The following DOCK8 variants were observed in gnomAD, a reference collection of about 807,000 sequenced individuals.
The protein encoded by DOCK8 is dedicator of cytokinesis 8, also known as dedicator of cytokinesis protein 8.
A neutral mutation model predicts 245.6 loss-of-function variants in DOCK8; 141 were observed. That is an observed-to-expected ratio of 0.57 (90% CI 0.50 to 0.66). The LOEUF (loss-of-function observed/expected upper bound fraction) is 0.66. Among genes scored for constraint, DOCK8 ranks in the 30% least tolerant of loss-of-function variants. DOCK8 has a pLI of 0.00. For missense variants in DOCK8, 2,965 were observed against 2,603.4 expected (o/e 1.14, Z -3.02); for synonymous variants, 1,168 against 970.2 (o/e 1.20, Z -3.79).
At chr9:324,688 A>C (rs755447007) in intron 7 of DOCK8, among the ~76,000 whole-genome samples, 50 of 152,182 alleles carry the variant, frequency 3.3e-4, no homozygotes, top group Non-Finnish European at 1.5e-4. Context: ...AGGAAGGGCC[A>C]GACATTCATC....
intron 4 of DOCK8, among the ~76,000 whole-genome samples, chr9:303,497 G>T (rs994691751): frequency 4.6e-5 from 7 of 152,110 alleles, no homozygotes; most frequent in African/African-American, 1.7e-4. Flanking sequence ...GCAGCAACAT[G>T]GATGCAGCTG....
intron 1 of DOCK8, among the ~76,000 whole-genome samples, chr9:249,040 A>G (rs1283404613): frequency 1.3e-5 from 2 of 152,146 alleles, no homozygotes; most frequent in Admixed American, 6.5e-5. Flanking sequence ...GTTGAACCCA[A>G]TATCCTATCT....
At position 450,961 on chromosome 9, in the gene DOCK8, A is replaced by G. The variant is rs939203144; in HGVS notation, c.5961+1034A>G. 3.9e-5 allele frequency among the ~76,000 whole-genome samples: 6 copies of G among 151,916 alleles called. 1 individual carries two copies. The highest frequency in any genetic ancestry group is 1.5e-4 in the African/African-American group (6 of 41,312). ...ACTCAAAGCACATACCATTTGATGT[A>G]GTTGTATTACACTTATATATGAATG... On this transcript the variant is annotated intron_variant, in intron 45 of 47. Coordinates refer to ENST00000432829, the MANE Select transcript of DOCK8 (RefSeq NM_203447.4).
intron 3 of DOCK8, among the ~76,000 whole-genome samples, chr9:288,008 T>TTACAA (rs1224106661): frequency 6.6e-6 from 1 of 151,414 alleles, no homozygotes; most frequent in African/African-American, 2.4e-5. Context: ...ACCCTGTTTC[T>TTACAA]TACAAAACAA....
chr9:240,244 C>G (rs2047346934), intron 1 of DOCK8, among the ~76,000 whole-genome samples: 1 of 152,140 alleles, frequency 6.6e-6, no homozygotes, highest in South Asian at 2.1e-4. Context: ...CAAGGTCAAT[C>G]TTTTATACAG....
At chr9:455,750 C>T (rs147103398) in intron 46 of DOCK8, among the ~76,000 whole-genome samples, 6 of 151,644 alleles carry the variant, frequency 4.0e-5, no homozygotes, top group South Asian at 2.1e-4. Flanking sequence ...CCACTTTTGC[C>T]GTCTGCTTCC....
intron 4 of DOCK8, among the ~76,000 whole-genome samples, chr9:292,954 TG>T (rs1381364409): frequency 2.0e-5 from 3 of 152,178 alleles, no homozygotes; most frequent in Non-Finnish European, 2.9e-5. Context: ...ACAGAAGCAA[TG>T]GTTACCCATA....
intron 1 of DOCK8, among the ~76,000 whole-genome samples, chr9:227,782 A>G (rs191004602): frequency 1.4e-4 from 21 of 152,222 alleles, no homozygotes; most frequent in Non-Finnish European, 2.5e-4. Flanking sequence ...TTCTGAATGG[A>G]AAGTATAAGG....
rs538147823 is a variant in DOCK8 at position 219,393 on chromosome 9, C to T, written c.53+4364C>T. On this transcript the variant is annotated intron_variant, in intron 1 of 47. Coordinates refer to ENST00000432829, the MANE Select transcript of DOCK8 (RefSeq NM_203447.4). ...GGCTGAGGTGGGATAATTGCTTGAA[C>T]CTGGGAGGTGGAGGCTACAGTGAGC... Among the ~76,000 whole-genome samples, 82 of 152,204 alleles carry T rather than the reference C, an allele frequency of 5.4e-4. No individual in the cohort carries two copies. In the South Asian group the frequency reaches 0.016, roughly 30 times the overall value.
At chr9:438,481 G>A (rs935594554) in intron 39 of DOCK8, among the ~76,000 whole-genome samples, 9 of 152,152 alleles carry the variant, frequency 5.9e-5, no homozygotes, top group African/African-American at 1.2e-4. Flanking sequence ...TTCTTGACCT[G>A]TCACATATTC....
intron 4 of DOCK8, among the ~76,000 whole-genome samples, chr9:294,919 G>A (rs984448432): frequency 6.6e-6 from 1 of 152,166 alleles, no homozygotes; most frequent in African/African-American, 2.4e-5. Context: ...CAGCACTTTG[G>A]GAGGCTGAGG....
chr9:312,182 T>C lies in DOCK8; in HGVS notation c.741+16T>C. On this transcript the variant is annotated intron_variant, in intron 6 of 47. Coordinates refer to ENST00000432829, the MANE Select transcript of DOCK8 (RefSeq NM_203447.4). ...AGTGGACGAGGTGGGTGCCACTGTT[T>C]CCATACTGGAGAATCTCAGTGAAGA... 1.9e-6 allele frequency: 3 copies of C among 1,613,566 alleles called. No individual in the cohort carries two copies. Among genetic ancestry groups the C allele is most frequent in the African/African-American group, 2.7e-5 (2 of 75,056 alleles).
At chr9:271,499 CT>C (rs781330231) in intron 1 of DOCK8, 127 bp from the exon 2 acceptor site, 6 of 709,214 alleles carry the variant, frequency 8.5e-6, no homozygotes, top group Non-Finnish European at 9.6e-6. Flanking sequence ...GAAAAGGTAT[CT>C]TAGTCAGTTC....
intron 1 of DOCK8, among the ~76,000 whole-genome samples, chr9:246,821 G>T (rs1263304800): frequency 1.3e-5 from 2 of 151,826 alleles, no homozygotes; most frequent in African/African-American, 4.8e-5. Flanking sequence ...TTGCAATGTT[G>T]CCCAGGCTGG....
At chr9:344,806 C>T (rs545724008) in intron 14 of DOCK8, among the ~76,000 whole-genome samples, 3 of 152,136 alleles carry the variant, frequency 2.0e-5, no homozygotes, top group Admixed American at 6.5e-5. Context: ...CTAGCGCTTT[C>T]GGAGGCCAAG....
At chr9:260,365 A>C (rs1013129084) in intron 1 of DOCK8, among the ~76,000 whole-genome samples, 2 of 152,208 alleles carry the variant, frequency 1.3e-5, no homozygotes, top group African/African-American at 4.8e-5. Flanking sequence ...CCTCAATGCA[A>C]ATGTTGGTTT....
Position 336,675 on chromosome 9 carries a change from A to G in DOCK8, c.1379A>G (p.Asn460Ser). The G allele has an allele frequency of 6.2e-7, 1 of 1,614,066 alleles. No individual in the cohort carries two copies. ...LSLEENGVGS[N>S]FKTSTLSVSS... is the part of the protein sequence containing the mutation. ...TTGGAGGAAAATGGGGTTGGATCCA[A>G]CTTCAAAACCTCCACTCTGAGCGTT... The change falls in exon 12 of 48, where the codon AAC becomes AGC. Residue 460 changes from asparagine to serine, a missense_variant. By Grantham distance (46) the Asn-to-Ser change is conservative (BLOSUM62 1). Around this residue, in one of 3 missense-constraint regions of DOCK8, gnomAD observed 2,825 missense variants for 2,453.5 expected, o/e 1.15. Coordinates refer to ENST00000432829, the MANE Select transcript of DOCK8 (RefSeq NM_203447.4).
chr9:211,864 A>G (rs1374068044), upstream of DOCK8, among the ~76,000 whole-genome samples: 2 of 152,182 alleles, frequency 1.3e-5, no homozygotes, highest in Non-Finnish European at 2.9e-5. Flanking sequence ...TTAAACCTGG[A>G]AAATGAGGAA....
At chr9:337,455 A>G (rs1298481718) in intron 12 of DOCK8, among the ~76,000 whole-genome samples, 2 of 152,066 alleles carry the variant, frequency 1.3e-5, no homozygotes, top group African/African-American at 4.8e-5. Context: ...TGGCCAATCC[A>G]TTCATTATGC....
Sources: allele counts gnomAD v4.1 joint callset (sites outside exome capture counted in the v4.1 genomes callset), GRCh38; gene constraint gnomAD v4.1.1; regional missense constraint gnomAD v4.1.1; transcripts MANE v1.5; gene names NCBI Gene and HGNC (gene_info 2026-07-23, HGNC 2026-07-21).